ZNF503: variants seen among roughly 807,000 people sequenced by gnomAD.
ZNF503 encodes the protein NocA-like zinc finger 2.
ZNF503 carries 15 observed loss-of-function variants against 34.4 expected under a neutral mutation model. That is an observed-to-expected ratio of 0.44 (90% CI 0.29 to 0.67). The LOEUF is 0.67. Ranked by LOEUF, ZNF503 falls within the 30% of genes least tolerant of loss-of-function variation. The pLI is 0.13. For missense variants in ZNF503, 1,007 were observed against 926.8 expected (o/e 1.09, Z -1.12); for synonymous variants, 580 against 456.8 (o/e 1.27, Z -3.44).
Position 75,399,251 on chromosome 10 carries a change from G to A in ZNF503, c.1439C>T (p.Ser480Phe). The A allele has an allele frequency of 2.5e-6, 4 of 1,595,830 alleles. No homozygotes were observed. The highest frequency in any genetic ancestry group is 8.5e-7 in the Non-Finnish European group (1 of 1,170,732). The stretch of plus-strand genomic sequence containing the variant: ...AGCAGCCGCGGCGGCCGTTAGCGAG[G>A]AGTGCACACCGTGCAGCGGGTGCGT... ...YPTHPLHGVH[S>F]SLTAAAAAGA... is the part of the protein sequence containing the mutation. Residue 480 changes from serine to phenylalanine, a missense_variant, in exon 2 of 2, where the codon TCC becomes TTC. Transcript: ENST00000372524.
downstream of ZNF503, among the ~76,000 whole-genome samples, chr10:75,397,440 C>A (rs1272791144): frequency 6.6e-6 from 1 of 152,110 alleles, no homozygotes; most frequent in East Asian, 1.9e-4. Context: ...GCCCAGCCGG[C>A]GAGTCCCGGC....
the ZNF503 span, among the ~76,000 whole-genome samples, chr10:75,332,765 CA>C: frequency 6.8e-6 from 1 of 146,836 alleles, no homozygotes; most frequent in African/African-American, 2.6e-5. Context: ...GGACACAGCA[CA>C]TGTTTCAGAG....
chr10:75,359,776 T>C, the ZNF503 span, among the ~76,000 whole-genome samples: 1 of 152,184 alleles, frequency 6.6e-6, no homozygotes, highest in Non-Finnish European at 1.5e-5. Context: ...CTGCAGCTCC[T>C]GGGAAGGAGG....
chr10:75,312,018 T>G, the ZNF503 span, among the ~76,000 whole-genome samples: 3 of 152,092 alleles, frequency 2.0e-5, no homozygotes, highest in Non-Finnish European at 4.4e-5. Flanking sequence ...CAGCTGGGAT[T>G]ACACCACGCC....
chr10:75,315,561 A>C, the ZNF503 span, among the ~76,000 whole-genome samples: 1 of 152,174 alleles, frequency 6.6e-6, no homozygotes, highest in African/African-American at 2.4e-5. Context: ...GTCTTATAGC[A>C]GCCAAAAAGC....
the ZNF503 span, among the ~76,000 whole-genome samples, chr10:75,359,890 A>G: frequency 6.6e-6 from 1 of 152,124 alleles, no homozygotes; most frequent in Non-Finnish European, 1.5e-5. Context: ...AGTGAAGCCA[A>G]TCACTTCATT....
the ZNF503 span, among the ~76,000 whole-genome samples, chr10:75,330,613 C>G: frequency 2.6e-5 from 4 of 152,126 alleles, no homozygotes; most frequent in African/African-American, 9.6e-5. Flanking sequence ...TCTGCTTCCA[C>G]TAAGTTTTCT....
chr10:75,353,655 G>A, the ZNF503 span, among the ~76,000 whole-genome samples: 2 of 152,194 alleles, frequency 1.3e-5, no homozygotes, highest in African/African-American at 4.8e-5. Context: ...GAAGGGAGGG[G>A]CTCCCCTGGA....
At chr10:75,289,615 T>G in the ZNF503 span, among the ~76,000 whole-genome samples, 1 of 152,194 alleles carries the variant, frequency 6.6e-6, no homozygotes, top group Admixed American at 6.5e-5. Flanking sequence ...AGATGGAGTC[T>G]TGCTCTGTCA....
the ZNF503 span, among the ~76,000 whole-genome samples, chr10:75,348,842 T>G: frequency 1.3e-5 from 2 of 152,214 alleles, no homozygotes; most frequent in East Asian, 3.8e-4. Flanking sequence ...CCATTAGATT[T>G]CACTTTTCCT....
chr10:75,332,512 G>T, the ZNF503 span, among the ~76,000 whole-genome samples: 1 of 138,294 alleles, frequency 7.2e-6, no homozygotes, highest in Admixed American at 7.2e-5. Flanking sequence ...ATTCTTGGGT[G>T]TTTCTCACAG....
At chr10:75,318,182 T>C in the ZNF503 span, among the ~76,000 whole-genome samples, 2 of 152,302 alleles carry the variant, frequency 1.3e-5, no homozygotes, top group South Asian at 4.1e-4. Flanking sequence ...TCATATTGTA[T>C]GCCTTAAATT....
chr10:75,374,743 C>T, the ZNF503 span, among the ~76,000 whole-genome samples: 1 of 152,204 alleles, frequency 6.6e-6, no homozygotes, highest in African/African-American at 2.4e-5. Context: ...CAGCATCTGG[C>T]GTGAAATACA....
the ZNF503 span, among the ~76,000 whole-genome samples, chr10:75,331,232 C>T: frequency 1.3e-5 from 2 of 152,174 alleles, no homozygotes; most frequent in African/African-American, 2.4e-5. Flanking sequence ...GTGGTCTATT[C>T]TGGAGAATGT....
chr10:75,333,407 G>A, the ZNF503 span, among the ~76,000 whole-genome samples: 2 of 53,986 alleles, frequency 3.7e-5, no homozygotes, highest in Non-Finnish European at 7.2e-5. Flanking sequence ...GCCGGGTGGA[G>A]GGCTGACTCC....
chr10:75,346,772 A>T, the ZNF503 span, among the ~76,000 whole-genome samples: 1 of 151,302 alleles, frequency 6.6e-6, no homozygotes, highest in African/African-American at 2.4e-5. Flanking sequence ...CTGAGCCTAC[A>T]GGCGTGCACC....
chr10:75,338,846 T>G, the ZNF503 span, among the ~76,000 whole-genome samples: 8 of 152,158 alleles, frequency 5.3e-5, no homozygotes, highest in African/African-American at 1.7e-4. Flanking sequence ...TTGCAGGGAG[T>G]GAGGCAGCTG....
the ZNF503 span, among the ~76,000 whole-genome samples, chr10:75,381,805 C>CTT: frequency 0.022 from 838 of 38,594 alleles, 263 homozygotes; most frequent in East Asian, 0.056. Context: ...GAACCTAATT[C>CTT]TTTTTTTTTT....
the ZNF503 span, among the ~76,000 whole-genome samples, chr10:75,331,341 C>T: frequency 2.0e-5 from 3 of 152,332 alleles, no homozygotes; most frequent in African/African-American, 4.8e-5. Flanking sequence ...CAGTTAAAAT[C>T]CAGTGTTTCT....
Sources: gnomAD v4.1 joint callset for allele counts (sites outside exome capture counted in the v4.1 genomes callset) on GRCh38, gnomAD v4.1.1 for gene constraint, MANE v1.5 for transcripts, NCBI Gene and HGNC (gene_info 2026-07-23, HGNC 2026-07-21) for gene names.